The following RBFOX1 variants were observed in gnomAD, a reference collection of about 807,000 sequenced individuals.
RBFOX1 encodes the protein RNA binding fox-1 homolog 1.
In RBFOX1, 8 loss-of-function variants were observed where a neutral mutation model predicts 57.7. That is an observed-to-expected ratio of 0.14 (90% CI 0.08 to 0.25). RBFOX1 has a LOEUF of 0.25. RBFOX1 is among the 10% of genes least tolerant of loss of function. The pLI is 1.00. For missense variants in RBFOX1, 611 were observed against 548.5 expected, an observed-to-expected ratio of 1.11 and a Z score of -1.14; for synonymous variants, 326 against 222.4, an observed-to-expected ratio of 1.47 and a Z score of -4.15.
intron 13 of RBFOX1, among the ~76,000 whole-genome samples, chr16:7,673,141 GT>G (rs2146219473): frequency 6.6e-6 from 1 of 152,094 alleles, no homozygotes; most frequent in South Asian, 2.1e-4. Flanking sequence ...CGACGCCCAC[GT>G]CTCCCTAGCA....
intron 3 of RBFOX1, among the ~76,000 whole-genome samples, chr16:5,644,878 T>A (rs2151340182): frequency 6.6e-6 from 1 of 152,312 alleles, no homozygotes; most frequent in African/African-American, 2.4e-5. Flanking sequence ...TCTGAATACC[T>A]GTTTTTAATT....
At chr16:6,270,460 C>CA (rs60224616) in intron 1 of RBFOX1, among the ~76,000 whole-genome samples, 2,561 of 114,460 alleles carry the variant, frequency 0.022, 33 homozygotes, top group Non-Finnish European at 0.035. Context: ...GATTTAAGAG[C>CA]AAAAAAAAAA....
At chr16:5,438,921 G>A (rs892185176) in intron 1 of RBFOX1, among the ~76,000 whole-genome samples, 3 of 151,860 alleles carry the variant, frequency 2.0e-5, no homozygotes, top group Non-Finnish European at 4.4e-5. Flanking sequence ...TCAAGCTAAT[G>A]TTCTAGTAGT....
chr16:6,272,731 A>T (rs1567823416), intron 1 of RBFOX1, among the ~76,000 whole-genome samples: 1 of 152,220 alleles, frequency 6.6e-6, no homozygotes, highest in Non-Finnish European at 1.5e-5. Context: ...GCAGATGGAT[A>T]GACACATAGA....
At chr16:7,321,357 G>C (rs1445234132) in intron 4 of RBFOX1, among the ~76,000 whole-genome samples, 3 of 151,986 alleles carry the variant, frequency 2.0e-5, no homozygotes, top group Non-Finnish European at 4.4e-5. Context: ...TGTTGGTCAG[G>C]CTGTTCTTGA....
At position 7,147,915 on chromosome 16, in the gene RBFOX1, A is replaced by G. The variant is rs1210170210; in HGVS notation, c.27+95817A>G. On this transcript the variant is annotated intron_variant, in intron 4 of 15. Coordinates refer to ENST00000550418, the MANE Select transcript of RBFOX1 (RefSeq NM_018723.4). Reference sequence around the variant, plus strand: ...CCAGGCTGCTTTCGCCAGGGGCTGAACTAATTTACATTCTCACCAACAGTG... The same window carrying G: ...CCAGGCTGCTTTCGCCAGGGGCTGAGCTAATTTACATTCTCACCAACAGTG... 2.6e-5 allele frequency among the ~76,000 whole-genome samples: 4 copies of G among 152,318 alleles called. No individual in the cohort carries two copies. In the East Asian group the frequency reaches 7.7e-4, roughly 29 times the overall value.
At chr16:5,822,454 TA>T (rs1449073013) in intron 3 of RBFOX1, among the ~76,000 whole-genome samples, 1 of 152,018 alleles carries the variant, frequency 6.6e-6, no homozygotes, top group Non-Finnish European at 1.5e-5. Flanking sequence ...TAAATACAAA[TA>T]AAAAATAAAA....
chr16:6,366,398 C>T (rs2089622133), intron 2 of RBFOX1, among the ~76,000 whole-genome samples: 1 of 152,110 alleles, frequency 6.6e-6, no homozygotes, highest in African/African-American at 2.4e-5. Context: ...TGACATTTCT[C>T]ACATACTACA....
chr16:7,489,529 A>C (rs1473529458), intron 4 of RBFOX1, among the ~76,000 whole-genome samples: 1 of 151,174 alleles, frequency 6.6e-6, no homozygotes, highest in Non-Finnish European at 1.5e-5. Flanking sequence ...TTTTTTTGAG[A>C]TAGAGTCTTG....
At chr16:5,739,929 A>G (rs1159251852) in intron 3 of RBFOX1, among the ~76,000 whole-genome samples, 2 of 152,258 alleles carry the variant, frequency 1.3e-5, no homozygotes, top group Non-Finnish European at 2.9e-5. Context: ...GGTGCTAACC[A>G]CAGCTAGAGA....
At chr16:7,387,367 G>T (rs1266176838) in intron 4 of RBFOX1, among the ~76,000 whole-genome samples, 1 of 152,152 alleles carries the variant, frequency 6.6e-6, no homozygotes, top group African/African-American at 2.4e-5. Flanking sequence ...CTGATAAAGA[G>T]AGGATGTGGA....
intron 3 of RBFOX1, among the ~76,000 whole-genome samples, chr16:6,732,491 G>T (rs1341700012): frequency 6.6e-6 from 1 of 152,182 alleles, no homozygotes; most frequent in Non-Finnish European, 1.5e-5. Context: ...ATCTCTTCCA[G>T]GGGGATGGGC....
At chr16:5,766,339 C>T (rs576215134) in intron 3 of RBFOX1, among the ~76,000 whole-genome samples, 9 of 152,216 alleles carry the variant, frequency 5.9e-5, no homozygotes, top group South Asian at 4.1e-4. Flanking sequence ...GTAATCACAG[C>T]GCTTTGGGTA....
intron 1 of RBFOX1, among the ~76,000 whole-genome samples, chr16:5,246,632 C>T (rs1431156976): frequency 6.6e-6 from 1 of 152,070 alleles, no homozygotes; most frequent in Non-Finnish European, 1.5e-5. Context: ...AACCATCATT[C>T]TACTCTGCTT....
chr16:7,619,753 A>G (rs956905742), intron 10 of RBFOX1, among the ~76,000 whole-genome samples: 4 of 152,192 alleles, frequency 2.6e-5, no homozygotes, highest in African/African-American at 9.6e-5. Context: ...TTTCAGTTGA[A>G]TGACAGTTTC....
rs1300346272 is a variant in RBFOX1 at position 6,797,174 on chromosome 16, G to C, written c.-16+142524G>C. On this transcript the variant is annotated intron_variant, in intron 3 of 15. Transcript: ENST00000550418. The stretch of plus-strand genomic sequence containing the variant: ...GCAGCAGCAGCAGCAGAATTTGTTA[G>C]CAAGGATCAGTCTGAGTCGCCTATG... Among the ~76,000 whole-genome samples the C allele has an allele frequency of 2.0e-5, 3 of 152,276 alleles. No individual in the cohort carries two copies. The East Asian group carries it at 5.8e-4, about 29-fold the overall frequency.
intron 10 of RBFOX1, among the ~76,000 whole-genome samples, chr16:7,607,564 C>T (rs946242246): frequency 2.0e-5 from 3 of 152,116 alleles, no homozygotes; most frequent in Admixed American, 6.5e-5. Context: ...GCCACTGCTC[C>T]TTAGGACAAT....
chr16:6,182,114 G>T (rs1487386553), intron 1 of RBFOX1, among the ~76,000 whole-genome samples: 1 of 152,152 alleles, frequency 6.6e-6, no homozygotes, highest in East Asian at 1.9e-4. Context: ...TGAATATAGT[G>T]CATTCTGTTT....
rs1295889043 is a variant in RBFOX1, at chr16:6,864,531, CT to C, written c.-15-187525del. On this transcript the variant is annotated intron_variant, in intron 3 of 15. Transcript: ENST00000550418. Reference sequence around the variant, plus strand: ...ATTAAAAATTTAGTTTTAAACCCCCCTATTCTCTCCTTCCTCTTTTTTTTTT... The same window carrying C: ...ATTAAAAATTTAGTTTTAAACCCCCCATTCTCTCCTTCCTCTTTTTTTTTT... 1.4e-4 allele frequency among the ~76,000 whole-genome samples: 21 copies of C among 150,134 alleles called. No individual in the cohort carries two copies. In the East Asian group the frequency reaches 4.1e-3, roughly 29 times the overall value.
Sources: allele counts gnomAD v4.1 joint callset (sites outside exome capture counted in the v4.1 genomes callset), GRCh38; gene constraint gnomAD v4.1.1; transcripts MANE v1.5; gene names NCBI Gene and HGNC (gene_info 2026-07-23, HGNC 2026-07-21).